Variants in TMEM26 observed in about 807,000 individuals in gnomAD.
The protein encoded by TMEM26 is transmembrane protein 26.
Under a neutral mutation model 28.8 loss-of-function variants are expected in TMEM26, and 38 were observed. The observed-to-expected ratio is 1.32, with a 90% confidence interval of 1.02 to 1.73. The LOEUF (loss-of-function observed/expected upper bound fraction) is 1.73. Ranked by LOEUF, TMEM26 falls within the 40% of genes most tolerant of loss-of-function variation. TMEM26 has a pLI of 0.00. For synonymous variants in TMEM26, 227 were observed against 182.9 expected, an observed-to-expected ratio of 1.24 and a Z score of -1.95; for missense variants, 518 against 447.1, an observed-to-expected ratio of 1.16 and a Z score of -1.43.
chr10:61,442,427 C>G lies in TMEM26; in HGVS notation c.192-6179G>C, dbSNP rs1213143047. 3.3e-5 allele frequency among the ~76,000 whole-genome samples: 5 copies of G among 152,162 alleles called. No homozygotes were observed. The East Asian group carries it at 7.7e-4, about 24-fold the overall frequency. On this transcript the variant is annotated intron_variant, in intron 1 of 5. Transcript: ENST00000399298. ...AAGAAAAATTAGCCATATCACTACC[C>G]TGTTTAGTTTTTCTCTGTCTGTCTT...
rs1340221826 is a variant in TMEM26, at chr10:61,436,170, C to G, written c.270G>C (p.Gln90His). ...LWLLELHHET[Q>H]YCSIQAEGTS... Reference sequence around the variant, plus strand: ...ATTCCTACTTTCCAAAAAGAAGTACCTGGGTCTCATGGTGCAATTCAAGAA... The same window carrying G: ...ATTCCTACTTTCCAAAAAGAAGTACGTGGGTCTCATGGTGCAATTCAAGAA... The change falls in exon 2 of 6, where the codon CAG (glutamine) becomes CAC (histidine). Residue 90 changes from glutamine to histidine, a missense_variant and splice_region_variant. Coordinates refer to ENST00000399298, the MANE Select transcript of TMEM26 (RefSeq NM_178505.8). 1 of 1,590,272 alleles carries G rather than the reference C, an allele frequency of 6.3e-7. No homozygotes were observed. Among genetic ancestry groups the G allele is most frequent in the East Asian group, 2.2e-5 (1 of 44,628 alleles).
intron 4 of TMEM26, among the ~76,000 whole-genome samples, chr10:61,426,871 C>T (rs1839841957): frequency 6.6e-6 from 1 of 151,958 alleles, no homozygotes; most frequent in African/African-American, 2.4e-5. Context: ...AGTGTCTATT[C>T]TTGCAGTATA....
At chr10:61,451,678 G>A (rs10994767) in intron 1 of TMEM26, among the ~76,000 whole-genome samples, 30,962 of 151,934 alleles carry the variant, frequency 0.2, 3,412 homozygotes, top group Middle Eastern at 0.3. Flanking sequence ...TGGAGCCAGG[G>A]GTAGTCACAT....
At chr10:61,420,351 G>GGT (rs1184297201) in intron 4 of TMEM26, among the ~76,000 whole-genome samples, 1 of 152,034 alleles carries the variant, frequency 6.6e-6, no homozygotes, top group African/African-American at 2.4e-5. Flanking sequence ...GGGTGGAAGA[G>GGT]GTGGAAGAGG....
In TMEM26 at chr10:61,453,094, A is replaced by G. The variant is rs377389502; in HGVS notation, c.-13T>C. The G allele has an allele frequency of 6.2e-7, 1 of 1,609,210 alleles. No homozygotes were observed. Among genetic ancestry groups the G allele is most frequent in the Non-Finnish European group, 8.5e-7 (1 of 1,177,976 alleles). On this transcript the variant is annotated 5_prime_UTR_variant, in exon 1 of 6. Coordinates refer to ENST00000399298, the MANE Select transcript of TMEM26 (RefSeq NM_178505.8). ...CCAGTCCCTCCATGCTGGCCGGAGC[A>G]CTCTGCCTACGTCCCCTTGCCTGCG...
At chr10:61,423,087 C>A (rs1839774797) in intron 4 of TMEM26, among the ~76,000 whole-genome samples, 1 of 152,000 alleles carries the variant, frequency 6.6e-6, no homozygotes, top group Admixed American at 6.6e-5. Flanking sequence ...TGACAAAAAT[C>A]TACAACATAG....
intron 4 of TMEM26, among the ~76,000 whole-genome samples, chr10:61,415,565 T>C (rs1266215460): frequency 1.3e-5 from 2 of 152,084 alleles, no homozygotes; most frequent in Non-Finnish European, 2.9e-5. Flanking sequence ...CTCTATTTTA[T>C]CAAGGAGGTA....
At chr10:61,427,868 T>C (rs1839857530) in intron 4 of TMEM26, among the ~76,000 whole-genome samples, 1 of 152,142 alleles carries the variant, frequency 6.6e-6, no homozygotes, top group Admixed American at 6.6e-5. Flanking sequence ...CATTTTACAG[T>C]GTAAAGCACT....
intron 1 of TMEM26, among the ~76,000 whole-genome samples, chr10:61,439,402 A>G (rs1840056735): frequency 6.6e-6 from 1 of 152,200 alleles, no homozygotes; most frequent in South Asian, 2.1e-4. Flanking sequence ...GTCTCAAATT[A>G]ATGCTTACTA....
chr10:61,418,095 G>T (rs544597909), intron 4 of TMEM26, among the ~76,000 whole-genome samples: 2 of 151,862 alleles, frequency 1.3e-5, no homozygotes, highest in South Asian at 4.2e-4. Flanking sequence ...TGTACTGAAT[G>T]AAGTTAAATA....
chr10:61,430,896 T>C (rs1447735514), intron 3 of TMEM26, among the ~76,000 whole-genome samples: 2 of 151,982 alleles, frequency 1.3e-5, no homozygotes, highest in East Asian at 3.9e-4. Flanking sequence ...CTTAAAATTA[T>C]CATATCCCAA....
chr10:61,426,389 A>G (rs941240802), intron 4 of TMEM26, among the ~76,000 whole-genome samples: 2 of 152,138 alleles, frequency 1.3e-5, no homozygotes, highest in African/African-American at 4.8e-5. Flanking sequence ...AAACAATAGA[A>G]TTACAGTTGA....
chr10:61,431,489 G>C (rs2135313018), intron 2 of TMEM26, among the ~76,000 whole-genome samples, 157 bp from the exon 3 acceptor site: 2 of 152,202 alleles, frequency 1.3e-5, no homozygotes, highest in South Asian at 4.1e-4. Context: ...ATAGGCCTGA[G>C]ATTGAAAACC....
intron 4 of TMEM26, among the ~76,000 whole-genome samples, chr10:61,425,059 G>A (rs942016282): frequency 1.1e-4 from 16 of 152,284 alleles, no homozygotes; most frequent in South Asian, 2.1e-4. Flanking sequence ...GAGTTTAATG[G>A]ACTTACAGTT....
chr10:61,418,589 CA>C (rs1410529112), intron 4 of TMEM26, among the ~76,000 whole-genome samples: 1 of 152,034 alleles, frequency 6.6e-6, no homozygotes, highest in East Asian at 1.9e-4. Context: ...CCATATTGAT[CA>C]GTTAAAGTGG....
chr10:61,453,301 C>T lies in TMEM26; in HGVS notation c.-220G>A. On this transcript the variant is annotated 5_prime_UTR_variant, in exon 1 of 6. Transcript: ENST00000399298. ...CTCTTCAAAGAGGGGTGAGTCCAAA[C>T]CCAGCTTTTCCAGACTGCTGGGTTT... The T allele has an allele frequency of 1.8e-6, 1 of 545,522 alleles. No homozygotes were observed. The highest frequency in any genetic ancestry group is 2.4e-5 in the South Asian group (1 of 41,448). 33.8% of individuals were successfully genotyped at this position (545,522 alleles called of 1,614,324 possible).
intron 1 of TMEM26, chr10:61,452,673 C>T (rs1840308402): frequency 1.8e-6 from 1 of 548,452 alleles, no homozygotes; most frequent in Admixed American, 3.1e-5. Context: ...TGCCTAGGCT[C>T]ACAGATCGAG....
intron 4 of TMEM26, among the ~76,000 whole-genome samples, chr10:61,416,677 T>C (rs753241099): frequency 2.0e-5 from 3 of 152,012 alleles, no homozygotes; most frequent in Admixed American, 1.3e-4. Flanking sequence ...TACTTCATAG[T>C]GTGGATGTAA....
At chr10:61,430,179 G>T (rs1839897939) in intron 3 of TMEM26, among the ~76,000 whole-genome samples, 1 of 152,030 alleles carries the variant, frequency 6.6e-6, no homozygotes, top group African/African-American at 2.4e-5. Context: ...AACTGAGAGA[G>T]AAACTAAGCG....
Sources: allele counts gnomAD v4.1 joint callset (sites outside exome capture counted in the v4.1 genomes callset), GRCh38; gene constraint gnomAD v4.1.1; transcripts MANE v1.5; gene names NCBI Gene and HGNC (gene_info 2026-07-23, HGNC 2026-07-21).